Variants in ZNF600 observed in about 807,000 individuals in gnomAD.
ZNF600 encodes the protein zinc finger protein KR-ZNF1.
ZNF600 carries 4 observed loss-of-function variants against 7.3 expected under a neutral mutation model. That is an observed-to-expected ratio of 0.55 (90% CI 0.27 to 1.25). The LOEUF (loss-of-function observed/expected upper bound fraction) is 1.25, where lower values mean the gene tolerates loss of function less well. Among genes scored for constraint, ZNF600 ranks in the 50% most tolerant of loss-of-function variants. The pLI, the probability that ZNF600 is intolerant of heterozygous loss-of-function variation, is 0.12. For synonymous variants in ZNF600, 290 were observed against 308.9 expected (o/e 0.94, Z 0.64); for missense variants, 911 against 922.1 (o/e 0.99, Z 0.16).
At chr19:52,808,265 A>G in the ZNF600 span, 1 of 1,494,124 alleles carries the variant, frequency 6.7e-7, no homozygotes, top group South Asian at 1.4e-5. Flanking sequence ...CGGATTTTTC[A>G]CCACATGATG....
the ZNF600 span, chr19:52,805,257 G>A: frequency 2.1e-5 from 3 of 146,068 alleles, no homozygotes; most frequent in African/African-American, 7.7e-5. Context: ...GTGACAGACC[G>A]AAAATCTGTC....
chr19:52,793,802 ACACACACAC>A, the ZNF600 span, among the ~76,000 whole-genome samples: 1 of 103,384 alleles, frequency 9.7e-6, no homozygotes, highest in Non-Finnish European at 2.1e-5. Context: ...ACACACACAC[ACACACACAC>A]ACACACAAAA....
At chr19:52,787,557 C>T (rs2062775694), upstream of ZNF600, among the ~76,000 whole-genome samples, 1 of 150,642 alleles carries the variant, frequency 6.6e-6, no homozygotes, top group Non-Finnish European at 1.5e-5. Context: ...CAGGAGCCCG[C>T]CTAACCCAAA....
chr19:52,798,823 G>T, the ZNF600 span: 1 of 974,090 alleles, frequency 1.0e-6, no homozygotes, highest in South Asian at 1.3e-5. Flanking sequence ...TAGCATTACT[G>T]AAAACTTTGT....
In ZNF600 at chr19:52,779,056, C is replaced by T. The variant is rs901388095; in HGVS notation, c.-19-149G>A. 3 of 679,388 alleles carry T rather than the reference C, an allele frequency of 4.4e-6. No homozygotes were observed. In the African/African-American group the frequency reaches 5.6e-5, roughly 13 times the overall value. The allele number at this position is 679,388 out of a possible 1,614,324, so 42.1% of individuals were successfully genotyped here. On this transcript the variant is annotated intron_variant, in intron 1 of 3. Transcript: ENST00000648973. ...AGATCATGCAGAGATAAGAAAGTCC[C>T]ACAGGACGACCTATAAGTGTGTTTG...
chr19:52,789,944 G>A (rs552833403), upstream of ZNF600, among the ~76,000 whole-genome samples: 1 of 152,020 alleles, frequency 6.6e-6, no homozygotes, highest in Non-Finnish European at 1.5e-5. Flanking sequence ...AGTCAAAGGG[G>A]GTTTGTTCCC....
At chr19:52,796,617 C>T in the ZNF600 span, among the ~76,000 whole-genome samples, 1 of 152,126 alleles carries the variant, frequency 6.6e-6, no homozygotes, top group Non-Finnish European at 1.5e-5. Flanking sequence ...CAGACATGTG[C>T]CACCATGCCC....
the ZNF600 span, among the ~76,000 whole-genome samples, chr19:52,815,280 C>T: frequency 6.9e-6 from 1 of 144,950 alleles, no homozygotes. Flanking sequence ...CTTTGGGAGG[C>T]TGAGGCTGCT....
the ZNF600 span, among the ~76,000 whole-genome samples, chr19:52,811,020 C>T: frequency 6.8e-6 from 1 of 147,606 alleles, no homozygotes; most frequent in Non-Finnish European, 1.5e-5. Flanking sequence ...CTGCCGAGTG[C>T]CTGCGATTGC....
the ZNF600 span, among the ~76,000 whole-genome samples, chr19:52,804,909 G>C: frequency 7.2e-5 from 11 of 152,166 alleles, no homozygotes; most frequent in Non-Finnish European, 1.6e-4. Flanking sequence ...AACAAAGGAA[G>C]TTAAGAGTCT....
chr19:52,792,507 C>T, the ZNF600 span, among the ~76,000 whole-genome samples: 3 of 151,942 alleles, frequency 2.0e-5, no homozygotes, highest in East Asian at 2.0e-4. Context: ...GAGCTGAGAT[C>T]GTGCCACTGC....
chr19:52,766,259 C>G, exon 4 of ZNF600: 1 of 1,614,144 alleles, frequency 6.2e-7, no homozygotes, highest in East Asian at 2.2e-5. Flanking sequence ...ACTCATTACA[C>G]TTGTAAGGTT....
At chr19:52,821,403 C>A in the ZNF600 span, among the ~76,000 whole-genome samples, 1 of 152,208 alleles carries the variant, frequency 6.6e-6, no homozygotes, top group East Asian at 1.9e-4. Context: ...ACGGGACCAG[C>A]CTCAGGGCGA....
chr19:52,786,674 C>T (rs1376348593), exon 1 of ZNF600: 5 of 228,980 alleles, frequency 2.2e-5, no homozygotes, highest in African/African-American at 9.0e-5. Context: ...GTCCCAGGGG[C>T]AGAAGCGCCG....
At chr19:52,810,081 C>A in the ZNF600 span, 4 of 762,526 alleles carry the variant, frequency 5.2e-6, no homozygotes, top group South Asian at 5.8e-5. Context: ...ACCTGGGCCT[C>A]GTTCAGGAGC....
At chr19:52,779,757 A>G (rs2062705511) in intron 1 of ZNF600, among the ~76,000 whole-genome samples, 1 of 152,154 alleles carries the variant, frequency 6.6e-6, no homozygotes. Context: ...GAAACTCAAA[A>G]GAAGGACCCA....
chr19:52,789,916 T>A (rs572316051), upstream of ZNF600, among the ~76,000 whole-genome samples: 1 of 151,298 alleles, frequency 6.6e-6, no homozygotes, highest in Non-Finnish European at 1.5e-5. Context: ...AAGATTTGGG[T>A]AGGTAAAGGA....
intron 3 of ZNF600, 22 bp downstream of exon 5, chr19:52,774,553 T>G (rs2062657274): frequency 1.0e-6 from 1 of 984,214 alleles, no homozygotes; most frequent in South Asian, 4.7e-5. Context: ...TCCTCATGTC[T>G]GGGGGACATC....
At chr19:52,768,721 T>C (rs1185431727) in intron 3 of ZNF600, among the ~76,000 whole-genome samples, 3 of 151,952 alleles carry the variant, frequency 2.0e-5, no homozygotes, top group South Asian at 2.1e-4. Context: ...AATTTTTGTG[T>C]TTTTAGTAGA....
Sources: allele counts gnomAD v4.1 joint callset (sites outside exome capture counted in the v4.1 genomes callset), GRCh38; gene constraint gnomAD v4.1.1; transcripts MANE v1.5; gene names NCBI Gene and HGNC (gene_info 2026-07-23, HGNC 2026-07-21).